OPA1: variants seen among roughly 807,000 people sequenced by gnomAD.
OPA1 encodes dynamin-like GTPase OPA1, mitochondrial.
OPA1 carries 59 observed loss-of-function variants against 152.9 expected under a neutral mutation model. The observed-to-expected ratio is 0.39, with a 90% confidence interval of 0.31 to 0.48. The LOEUF (loss-of-function observed/expected upper bound fraction) is 0.48. OPA1 is among the 20% of genes least tolerant of loss of function. The probability of loss-of-function intolerance (pLI) is 0.96; values close to 1 mark genes in which losing one functional copy is unlikely to be tolerated. For synonymous variants in OPA1, 400 were observed against 389.9 expected (o/e 1.03, Z -0.31); for missense variants, 1,008 against 1,216.8 (o/e 0.83, Z 2.55).
In OPA1 at chr3:193,635,390, T is replaced by A. The variant is rs752803750; in HGVS notation, c.844-28T>A. 1.4e-4 allele frequency: 189 copies of A among 1,362,992 alleles called. 1 individual carries two copies. Among genetic ancestry groups the A allele is most frequent in the Non-Finnish European group, 1.6e-4 (149 of 951,988 alleles). The allele number at this position is 1,362,992 out of a possible 1,614,324, so 84.4% of individuals were successfully genotyped here. A position where few individuals can be genotyped will look rare whatever the true frequency, so the allele number is the denominator to read the frequency against. On this transcript the variant is annotated intron_variant, in intron 8 of 30. Coordinates refer to ENST00000361510, the MANE Select transcript of OPA1 (RefSeq NM_130837.3). ...TATTTGATAACCCATCTTTTGCTTA[T>A]ATAGTTACACTTATTATTTTATTGC... is the stretch of plus-strand genomic sequence containing the variant.
rs765357854 is a variant in OPA1 at position 193,664,949 on chromosome 3, T to A, written c.2731T>A (p.Cys911Ser). The change falls in exon 27 of 31, where the codon TGT (cysteine) becomes AGT (serine). Residue 911 changes from cysteine (C) to serine (S), a missense_variant. Physicochemically the swap from Cys to Ser is moderately radical, Grantham distance 112. This residue lies in a region of OPA1 where 137 missense variants were observed against 171.0 expected (regional missense o/e 0.80). Transcript: ENST00000361510. ...AACAGCTCTAAACCATTGTAACCTT[T>A]GTCGAAGAGGTTTTTATTACTACCA... is the stretch of plus-strand genomic sequence containing the variant. ...LKTALNHCNL[C>S]RRGFYYYQRH... The A allele has an allele frequency of 6.2e-7, 1 of 1,609,476 alleles. No homozygotes were observed. The highest frequency in any genetic ancestry group is 1.1e-5 in the South Asian group (1 of 90,822).
At chr3:193,593,473 T>C (rs1724972919) in intron 1 of OPA1, 64 bp downstream of exon 1, 1 of 1,420,314 alleles carries the variant, frequency 7.0e-7, no homozygotes, top group Non-Finnish European at 9.4e-7. Flanking sequence ...GGCTGTCTTA[T>C]CTCTATCTCC....
intron 29 of OPA1, among the ~76,000 whole-genome samples, chr3:193,676,808 G>A (rs563310474): frequency 3.2e-4 from 48 of 152,002 alleles, no homozygotes; most frequent in African/African-American, 9.2e-4. Flanking sequence ...GTGAAACCCC[G>A]TCTCTACTAA....
chr3:193,637,668 T>C (rs1733160037), intron 10 of OPA1, among the ~76,000 whole-genome samples: 1 of 152,112 alleles, frequency 6.6e-6, no homozygotes, highest in Non-Finnish European at 1.5e-5. Flanking sequence ...ATGGAAAAGA[T>C]TTATGGAAAG....
At chr3:193,675,968 T>A (rs1718905090) in intron 29 of OPA1, among the ~76,000 whole-genome samples, 1 of 152,204 alleles carries the variant, frequency 6.6e-6, no homozygotes. Context: ...ACTGCTCATT[T>A]CTCTTGTAGA....
chr3:193,655,554 A>T (rs1387932437), intron 22 of OPA1, among the ~76,000 whole-genome samples: 1 of 152,246 alleles, frequency 6.6e-6, no homozygotes, highest in African/African-American at 2.4e-5. Context: ...TCTTGGCTTT[A>T]TCACTTAATA....
chr3:193,662,996 T>C, intron 26 of OPA1, 34 bp downstream of exon 26: 1 of 1,608,200 alleles, frequency 6.2e-7, no homozygotes, highest in South Asian at 1.1e-5. Context: ...GGAATCTGCT[T>C]CCTTAATATT....
intron 1 of OPA1, among the ~76,000 whole-genome samples, chr3:193,602,360 G>A (rs6794338): frequency 0.5 from 75,386 of 151,980 alleles, 19,081 homozygotes; most frequent in African/African-American, 0.57. Flanking sequence ...TGTCATTTCC[G>A]GAAGGCCCAG....
At position 193,638,077 on chromosome 3, in the gene OPA1, G is replaced by A. The variant is rs570927442; in HGVS notation, c.1149+12G>A. ...GTTCTCCAGTTAAGGTAAGAACATA[G>A]GCCGTCTCAGTGAGGTTCCTTAGGA... On this transcript the variant is annotated intron_variant, in intron 11 of 30. Coordinates refer to ENST00000361510, the MANE Select transcript of OPA1 (RefSeq NM_130837.3). 17 of 1,589,924 alleles carry A rather than the reference G, an allele frequency of 1.1e-5. No individual in the cohort carries two copies. The highest frequency in any genetic ancestry group is 8.9e-5 in the East Asian group (4 of 44,742).
chr3:193,646,256 A>AT (rs958225160), intron 18 of OPA1, among the ~76,000 whole-genome samples: 1 of 152,318 alleles, frequency 6.6e-6, no homozygotes, highest in Non-Finnish European at 1.5e-5. Context: ...CTAAAACTTT[A>AT]TATGTTGAGT....
intron 27 of OPA1, among the ~76,000 whole-genome samples, chr3:193,665,383 GA>G (rs995242931): frequency 9.2e-5 from 14 of 152,010 alleles, no homozygotes; most frequent in Non-Finnish European, 2.1e-4. Flanking sequence ...GAGGGAAAGA[GA>G]AAGTGTGTGT....
chr3:193,686,528 G>A (rs1007456586), intron 29 of OPA1, among the ~76,000 whole-genome samples: 3 of 152,120 alleles, frequency 2.0e-5, no homozygotes, highest in Admixed American at 6.5e-5. Context: ...ACTAAAAGAT[G>A]CACCTTTTTT....
chr3:193,603,091 A>G (rs112171124), intron 1 of OPA1, among the ~76,000 whole-genome samples: 1 of 152,204 alleles, frequency 6.6e-6, no homozygotes, highest in African/African-American at 2.4e-5. Context: ...AAGCCATTTT[A>G]GTAATGTCAG....
intron 1 of OPA1, 146 bp downstream of exon 1, chr3:193,593,555 G>A (rs1018084848): frequency 2.8e-5 from 24 of 863,470 alleles, no homozygotes; most frequent in Non-Finnish European, 3.9e-5. Flanking sequence ...TGAGGACCCA[G>A]AATGACAGGA....
At chr3:193,640,476 G>T (rs1045657949) in intron 11 of OPA1, among the ~76,000 whole-genome samples, 2 of 152,218 alleles carry the variant, frequency 1.3e-5, no homozygotes, top group Non-Finnish European at 2.9e-5. Flanking sequence ...ACCAGTGGAG[G>T]CAAGAAAGGG....
chr3:193,648,694 C>T, intron 20 of OPA1, 101 bp from the exon 21 acceptor site: 1 of 800,006 alleles, frequency 1.2e-6, no homozygotes, highest in Non-Finnish European at 2.2e-6. Flanking sequence ...AACCCAAATT[C>T]AGCCTAGTCA....
chr3:193,623,787 A>G lies in OPA1; in HGVS notation c.679-2305A>G, dbSNP rs371014405. 2.4e-4 allele frequency among the ~76,000 whole-genome samples: 36 copies of G among 152,318 alleles called. No homozygotes were observed. In the South Asian group the frequency reaches 7.3e-3, roughly 31 times the overall value. Reference sequence around the variant, plus strand: ...AGTGTATCTTGCACAGTAGGTGCATAGATTTCTTCCTCTTCCTGTTCCACA... The same window carrying G: ...AGTGTATCTTGCACAGTAGGTGCATGGATTTCTTCCTCTTCCTGTTCCACA... On this transcript the variant is annotated intron_variant, in intron 6 of 30. Coordinates refer to ENST00000361510, the MANE Select transcript of OPA1 (RefSeq NM_130837.3).
chr3:193,657,159 A>T lies in OPA1; in HGVS notation c.2258A>T (p.Asp753Val), dbSNP rs1334307405. The T allele has an allele frequency of 4.3e-6, 7 of 1,613,828 alleles. No homozygotes were observed. The highest frequency in any genetic ancestry group is 5.1e-6 in the Non-Finnish European group (6 of 1,179,902). Reference sequence around the variant, plus strand: ...GGGAAAGAGCATGATGACATATTTGATAAACTTAAAGAGGCTGTTAAGGAA... The same window carrying T: ...GGGAAAGAGCATGATGACATATTTGTTAAACTTAAAGAGGCTGTTAAGGAA... ...PKGKEHDDIF[D>V]KLKEAVKEES... The change falls in exon 23 of 31, where the codon GAT (aspartate) becomes GTT (valine). Residue 753 changes from aspartate to valine, a missense_variant. Around this residue, in one of 7 missense-constraint regions of OPA1, gnomAD observed 229 missense variants for 269.0 expected, o/e 0.85. Transcript: ENST00000361510.
At chr3:193,622,845 C>T (rs906469535) in intron 6 of OPA1, among the ~76,000 whole-genome samples, 5 of 152,138 alleles carry the variant, frequency 3.3e-5, no homozygotes, top group African/African-American at 4.8e-5. Context: ...AGAGTAGAGG[C>T]TGATTAAAGT....
Sources: allele counts gnomAD v4.1 joint callset (sites outside exome capture counted in the v4.1 genomes callset), GRCh38; gene constraint gnomAD v4.1.1; regional missense constraint gnomAD v4.1.1; transcripts MANE v1.5; gene names NCBI Gene and HGNC (gene_info 2026-07-23, HGNC 2026-07-21).